L2HGDH: variants seen among roughly 807,000 people sequenced by gnomAD.
L2HGDH encodes the protein L-2-hydroxyglutarate dehydrogenase, also known as L-2-hydroxyglutarate dehydrogenase, mitochondrial.
L2HGDH carries 34 observed loss-of-function variants against 51.5 expected under a neutral mutation model. The observed-to-expected ratio is 0.66, with a 90% CI of 0.50 to 0.88. The LOEUF (loss-of-function observed/expected upper bound fraction) is 0.88, where lower values mean the gene tolerates loss of function less well. Among genes scored for constraint, L2HGDH ranks in the 40% least tolerant of loss-of-function variants. The pLI is 0.00. For synonymous variants in L2HGDH, 198 were observed against 197.9 expected, an observed-to-expected ratio of 1.00 and a Z score of -0.01; for missense variants, 558 against 571.9, an observed-to-expected ratio of 0.98 and a Z score of 0.25.
At chr14:50,253,984 C>T (rs1310023283) in intron 9 of L2HGDH, among the ~76,000 whole-genome samples, 3 of 151,876 alleles carry the variant, frequency 2.0e-5, no homozygotes, top group Non-Finnish European at 4.4e-5. Context: ...AACAATTGAA[C>T]GCATAGAGGT....
intron 9 of L2HGDH, among the ~76,000 whole-genome samples, chr14:50,259,517 G>A (rs28785597): frequency 0.32 from 48,431 of 150,468 alleles, 8,114 homozygotes; most frequent in Admixed American, 0.43. Flanking sequence ...GCCTCAATGT[G>A]TATTTCTTTT....
chr14:50,298,839 G>A (rs903917619), intron 3 of L2HGDH, among the ~76,000 whole-genome samples: 12 of 152,066 alleles, frequency 7.9e-5, no homozygotes, highest in African/African-American at 2.4e-4. Context: ...AGCGAAAGCC[G>A]TACTAAGAGG....
chr14:50,257,490 C>T (rs1192197426), intron 9 of L2HGDH, among the ~76,000 whole-genome samples: 2 of 151,928 alleles, frequency 1.3e-5, no homozygotes, highest in African/African-American at 4.8e-5. Context: ...CCTCCTCGGC[C>T]TCCAGAGTAG....
intron 8 of L2HGDH, among the ~76,000 whole-genome samples, chr14:50,266,759 T>C (rs1889358775): frequency 6.6e-6 from 1 of 152,004 alleles, no homozygotes. Flanking sequence ...CCATAGAGGG[T>C]GAAACTCAAG....
rs931276828 is a variant in L2HGDH, at chr14:50,252,184, A to G, written c.1197-4931T>C. Reference sequence around the variant, plus strand: ...TTTCTGTGTGTTTGTTTGCATATGCAATCAGTATTGTCATCAGTTTAAAAT... The same window carrying G: ...TTTCTGTGTGTTTGTTTGCATATGCGATCAGTATTGTCATCAGTTTAAAAT... On this transcript the variant is annotated intron_variant, in intron 9 of 9. Transcript: ENST00000267436. 2.6e-5 allele frequency among the ~76,000 whole-genome samples: 4 copies of G among 152,110 alleles called. 1 individual carries two copies. Among genetic ancestry groups the G allele is most frequent in the Admixed American group, 2.6e-4 (4 of 15,250 alleles).
chr14:50,260,833 T>C, intron 9 of L2HGDH, among the ~76,000 whole-genome samples: 1 of 152,086 alleles, frequency 6.6e-6, no homozygotes, highest in East Asian at 1.9e-4. Context: ...CATTCTACAA[T>C]GGCTGGGCAC....
intron 2 of L2HGDH, 37 bp from the exon 3 acceptor site, chr14:50,302,205 T>G: frequency 6.2e-7 from 1 of 1,606,314 alleles, no homozygotes; most frequent in Non-Finnish European, 8.5e-7. Flanking sequence ...AGTAAGTACA[T>G]GATTCATACA....
chr14:50,262,841 G>A (rs770082869), intron 9 of L2HGDH, among the ~76,000 whole-genome samples: 18 of 151,512 alleles, frequency 1.2e-4, no homozygotes, highest in African/African-American at 3.2e-4. Flanking sequence ...ATCAAGAGAC[G>A]AAGCAAATGG....
At chr14:50,293,777 T>C (rs934956939) in intron 4 of L2HGDH, among the ~76,000 whole-genome samples, 1 of 152,204 alleles carries the variant, frequency 6.6e-6, no homozygotes, top group Non-Finnish European at 1.5e-5. Flanking sequence ...AAACCCTTTA[T>C]GTGGGCCTAA....
chr14:50,247,147 C>T lies in L2HGDH; in HGVS notation c.1303G>A (p.Val435Met). 6.2e-7 allele frequency: 1 copy of T among 1,614,104 alleles called. No individual in the cohort carries two copies. The highest frequency in any genetic ancestry group is 8.5e-7 in the Non-Finnish European group (1 of 1,179,984). Residue 435 changes from valine (V) to methionine (M), a missense_variant, in exon 10 of 10, where the codon GTG (valine) becomes ATG (methionine). Coordinates refer to ENST00000267436, the MANE Select transcript of L2HGDH (RefSeq NM_024884.3). ...GCAGCAGGAGAAGGTGCATTTCTCA[C>T]ATGAAGAATGCGATTTCCAATATCC... The part of the protein sequence containing the change: ...VGDIGNRILH[V>M]RNAPSPAATS...
intron 3 of L2HGDH, among the ~76,000 whole-genome samples, chr14:50,296,951 T>C (rs963766608): frequency 6.6e-6 from 1 of 152,150 alleles, no homozygotes; most frequent in African/African-American, 2.4e-5. Context: ...CACAGGAATG[T>C]AAAATCAATT....
At position 50,265,369 on chromosome 14, in the gene L2HGDH, A is replaced by T; in HGVS notation, c.1185T>A (p.Ser395Arg). ...TCCCTTTTCCTTACCTAAGTATATC[A>T]CTGATAGTAATTTCAGGGATGAATT... ...LQKFIPEITI[S>R]DILRGPAGVR... The change falls in exon 9 of 10, where the codon AGT becomes AGA. Residue 395 changes from serine to arginine, a missense_variant. Transcript: ENST00000267436. 6.2e-7 allele frequency: 1 copy of T among 1,610,710 alleles called. No individual in the cohort carries two copies. The highest frequency in any genetic ancestry group is 8.5e-7 in the Non-Finnish European group (1 of 1,176,974).
chr14:50,279,173 C>A (rs144484384), intron 5 of L2HGDH, among the ~76,000 whole-genome samples: 73 of 152,294 alleles, frequency 4.8e-4, no homozygotes, highest in African/African-American at 1.7e-3. Context: ...TTTTGCTCAT[C>A]ATCTTAGAAT....
At chr14:50,274,285 A>G in intron 6 of L2HGDH, among the ~76,000 whole-genome samples, 1 of 151,432 alleles carries the variant, frequency 6.6e-6, no homozygotes, top group African/African-American at 2.4e-5. Context: ...AAAAAAAAAA[A>G]AGGGGAGTGG....
Position 50,246,814 on chromosome 14 carries a change from C to T in L2HGDH, c.*244G>A. ...TCAGCTCTCAGCTCACCTCCGTCTGCTCGGTTCAATTGATTCTCCTGCCTC... is the reference window on the plus strand; with the variant it reads ...TCAGCTCTCAGCTCACCTCCGTCTGTTCGGTTCAATTGATTCTCCTGCCTC... On this transcript the variant is annotated 3_prime_UTR_variant, in exon 10 of 10. Coordinates refer to ENST00000267436, the MANE Select transcript of L2HGDH (RefSeq NM_024884.3). 2.0e-6 allele frequency: 1 copy of T among 502,378 alleles called. No individual in the cohort carries two copies. Among genetic ancestry groups the T allele is most frequent in the Non-Finnish European group, 3.4e-6 (1 of 297,502 alleles). 31.1% of individuals were successfully genotyped at this position (502,378 alleles called of 1,614,324 possible).
At chr14:50,259,003 C>G (rs2139951799) in intron 9 of L2HGDH, among the ~76,000 whole-genome samples, 1 of 148,578 alleles carries the variant, frequency 6.7e-6, no homozygotes, top group Admixed American at 6.7e-5. Context: ...CACCACCACG[C>G]CAGGCTCTTT....
At position 50,312,177 on chromosome 14, in the gene L2HGDH, C is replaced by T. The variant is rs1396828683; in HGVS notation, c.-27G>A. On this transcript the variant is annotated 5_prime_UTR_variant, in exon 1 of 10. Transcript: ENST00000267436. ...CCCTACGCACGCTCCCCTCCCTCAG[C>T]GCTCAGAAGAAGCCACTTGACCCTC... 3 of 1,607,428 alleles carry T rather than the reference C, an allele frequency of 1.9e-6. No individual in the cohort carries two copies. The highest frequency in any genetic ancestry group is 2.5e-6 in the Non-Finnish European group (3 of 1,178,948).
chr14:50,261,559 T>G (rs1889024547), intron 9 of L2HGDH, among the ~76,000 whole-genome samples: 3 of 152,144 alleles, frequency 2.0e-5, no homozygotes, highest in Non-Finnish European at 2.9e-5. Flanking sequence ...AATGGCTAAC[T>G]GTAGCTTCAG....
chr14:50,243,158 A>T lies in L2HGDH; in HGVS notation c.*3900T>A. Reference sequence around the variant, plus strand: ...CCCAAACAGTGCTAATGCTGAGAGGATCAAGGGAAGGACTTTGATATACAC... The same window carrying T: ...CCCAAACAGTGCTAATGCTGAGAGGTTCAAGGGAAGGACTTTGATATACAC... On this transcript the variant is annotated 3_prime_UTR_variant, in exon 10 of 10. Transcript: ENST00000267436. 1.0e-6 allele frequency: 1 copy of T among 985,496 alleles called. No homozygotes were observed. Among genetic ancestry groups the T allele is most frequent in the South Asian group, 4.7e-5 (1 of 21,290 alleles). The allele number at this position is 985,496 out of a possible 1,614,324, so 61.0% of individuals were successfully genotyped here.
Sources: allele counts gnomAD v4.1 joint callset (sites outside exome capture counted in the v4.1 genomes callset), GRCh38; gene constraint gnomAD v4.1.1; transcripts MANE v1.5; gene names NCBI Gene and HGNC (gene_info 2026-07-23, HGNC 2026-07-21).